The following DMD variants were observed in gnomAD, a reference collection of about 807,000 sequenced individuals.
DMD encodes mutant dystrophin.
A neutral mutation model predicts 330.1 loss-of-function variants in DMD; 63 were observed. The ratio of observed to expected loss-of-function variants is 0.19; its 90% confidence interval spans 0.16 to 0.24. DMD has a LOEUF of 0.24. Ranked by LOEUF, DMD falls within the 10% of genes least tolerant of loss-of-function variation. The pLI is 1.00. For missense variants in DMD, 3,344 were observed against 2,684.1 expected (o/e 1.25, Z -5.43); for synonymous variants, 1,223 against 959.8 (o/e 1.27, Z -5.07).
intron 42 of DMD, 65 bp from the exon 43 acceptor site, chrX:32,287,766 T>C: frequency 2.7e-6 from 2 of 751,478 alleles, no homozygotes; most frequent in Non-Finnish European, 3.8e-6. Context: ...GAGAAAAATA[T>C]ATATATATAT....
intron 6 of DMD, among the ~76,000 whole-genome samples, chrX:32,811,178 TAAA>T (rs751834619): frequency 3.5e-5 from 3 of 86,512 alleles, no homozygotes; most frequent in Non-Finnish European, 6.9e-5. Context: ...TACAACTTAT[TAAA>T]AAAAAAAAAA....
intron 44 of DMD, among the ~76,000 whole-genome samples, chrX:32,032,164 A>G (rs1277564239): frequency 9.0e-6 from 1 of 111,634 alleles, no homozygotes; most frequent in Admixed American, 9.6e-5. Context: ...AATTGATTGA[A>G]GATATATTTT....
chrX:32,813,684 T>C (rs1358035435), intron 6 of DMD, among the ~76,000 whole-genome samples: 3 of 111,738 alleles, frequency 2.7e-5, no homozygotes, highest in Non-Finnish European at 5.6e-5. Flanking sequence ...AGAACTGATA[T>C]AAATGTTACA....
At chrX:32,759,969 G>A (rs2072050603) in intron 7 of DMD, among the ~76,000 whole-genome samples, 1 of 110,483 alleles carries the variant, frequency 9.1e-6, no homozygotes, top group Non-Finnish European at 1.9e-5. Context: ...TAAGATAGAG[G>A]ATAAAAAAAG....
At chrX:31,317,839 T>C (rs1188855485) in intron 62 of DMD, among the ~76,000 whole-genome samples, 1 of 111,899 alleles carries the variant, frequency 8.9e-6, no homozygotes, top group Non-Finnish European at 1.9e-5. Context: ...GTTGATATCA[T>C]ACTCCAGTTT....
chrX:32,180,538 T>A (rs759292585), intron 44 of DMD, among the ~76,000 whole-genome samples: 1 of 111,764 alleles, frequency 8.9e-6, no homozygotes, highest in Non-Finnish European at 1.9e-5. Context: ...GGGACCTTCC[T>A]GAAGAAGGAG....
intron 1 of DMD, among the ~76,000 whole-genome samples, chrX:33,043,603 CTA>C (rs1226820746): frequency 9.0e-6 from 1 of 111,293 alleles, no homozygotes; most frequent in African/African-American, 3.3e-5. Flanking sequence ...AATTTAGAAG[CTA>C]TAGAGAAAAT....
intron 17 of DMD, among the ~76,000 whole-genome samples, chrX:32,523,033 C>G (rs751646831): frequency 1.8e-5 from 2 of 111,944 alleles, no homozygotes; most frequent in South Asian, 7.4e-4. Context: ...CCCTGAAACT[C>G]AAACGTGCCT....
At chrX:32,861,539 T>C (rs1359202594) in intron 2 of DMD, among the ~76,000 whole-genome samples, 1 of 111,659 alleles carries the variant, frequency 9.0e-6, no homozygotes, top group African/African-American at 3.3e-5. Context: ...AGGGAAGGTA[T>C]AATGAAACCA....
At chrX:31,927,239 G>T (rs981777973) in intron 47 of DMD, among the ~76,000 whole-genome samples, 4 of 111,992 alleles carry the variant, frequency 3.6e-5, no homozygotes, top group African/African-American at 1.3e-4. Flanking sequence ...ATAGGAAACA[G>T]ATATTATGGA....
chrX:31,220,502 G>GCAT, intron 64 of DMD, among the ~76,000 whole-genome samples: 1 of 111,475 alleles, frequency 9.0e-6, no homozygotes, highest in Middle Eastern at 4.6e-3. Context: ...GGAGCATGTG[G>GCAT]CATCATAACC....
intron 62 of DMD, among the ~76,000 whole-genome samples, chrX:31,282,032 G>C (rs1207788177): frequency 9.0e-6 from 1 of 111,695 alleles, no homozygotes; most frequent in East Asian, 2.8e-4. Flanking sequence ...GAAGGTTAGA[G>C]GAAATTTGTT....
At chrX:32,468,436 T>C in intron 23 of DMD, 62 bp downstream of exon 23, 2 of 977,591 alleles carry the variant, frequency 2.0e-6, no homozygotes, top group Non-Finnish European at 2.9e-6. Context: ...CAGTTTACAG[T>C]GTATCGTTAG....
intron 78 of DMD, among the ~76,000 whole-genome samples, chrX:31,122,722 T>C (rs1398969884): frequency 8.1e-5 from 9 of 111,699 alleles, no homozygotes; most frequent in Admixed American, 7.6e-4. Flanking sequence ...GAATCCATCT[T>C]AGAGCTCCTC....
intron 55 of DMD, among the ~76,000 whole-genome samples, chrX:31,589,098 TAA>T (rs58975023): frequency 7.0e-5 from 7 of 100,536 alleles, no homozygotes; most frequent in Admixed American, 2.2e-4. Flanking sequence ...GTCATGCAAG[TAA>T]AAAAAAAAAA....
chrX:32,692,416 C>T (rs895203756), intron 9 of DMD, among the ~76,000 whole-genome samples: 1 of 111,431 alleles, frequency 9.0e-6, no homozygotes, highest in African/African-American at 3.3e-5. Context: ...AGTGGTCTCC[C>T]TGGCTGGCTT....
chrX:32,520,045 T>C (rs1268279379), intron 17 of DMD, among the ~76,000 whole-genome samples: 1 of 111,683 alleles, frequency 9.0e-6, no homozygotes, highest in East Asian at 2.8e-4. Flanking sequence ...GCTATCCAAC[T>C]TGAAATTAAG....
intron 44 of DMD, among the ~76,000 whole-genome samples, chrX:32,164,544 G>T (rs190942554): frequency 8.9e-6 from 1 of 111,890 alleles, no homozygotes; most frequent in East Asian, 2.8e-4. Context: ...AAATTTCTAA[G>T]CAGCAAAGCA....
chrX:32,781,643 T>A (rs2074772528), intron 7 of DMD, among the ~76,000 whole-genome samples: 1 of 109,967 alleles, frequency 9.1e-6, no homozygotes, highest in Non-Finnish European at 1.9e-5. Context: ...TCAGCCTCTC[T>A]CCTGCAACCA....
Sources: gnomAD v4.1 joint callset for allele counts (sites outside exome capture counted in the v4.1 genomes callset) on GRCh38, gnomAD v4.1.1 for gene constraint, MANE v1.5 for transcripts, NCBI Gene and HGNC (gene_info 2026-07-23, HGNC 2026-07-21) for gene names.